The following SLC10A7 variants were observed in gnomAD, a reference collection of about 807,000 sequenced individuals.
SLC10A7 encodes the protein sodium/bile acid cotransporter 7.
SLC10A7 carries 29 observed loss-of-function variants against 43.2 expected under a neutral mutation model. The ratio of observed to expected loss-of-function variants is 0.67; its 90% CI spans 0.50 to 0.92. SLC10A7 has a LOEUF of 0.92. Ranked by LOEUF, SLC10A7 falls within the 40% of genes least tolerant of loss-of-function variation. SLC10A7 has a pLI of 0.00. For synonymous variants in SLC10A7, 152 were observed against 144.8 expected (o/e 1.05, Z -0.35); for missense variants, 295 against 403.2 (o/e 0.73, Z 2.30).
chr4:146,472,443 T>G (rs970763265), intron 4 of SLC10A7, among the ~76,000 whole-genome samples: 3 of 151,824 alleles, frequency 2.0e-5, no homozygotes, highest in African/African-American at 4.8e-5. Flanking sequence ...TCTGTTTTTT[T>G]TTTTTTTTTT....
chr4:146,342,453 A>T (rs1464224095), intron 5 of SLC10A7, among the ~76,000 whole-genome samples: 2 of 151,774 alleles, frequency 1.3e-5, no homozygotes, highest in Non-Finnish European at 3.0e-5. Context: ...GAAGAAATAA[A>T]TATCTGTTTT....
intron 5 of SLC10A7, among the ~76,000 whole-genome samples, chr4:146,364,315 C>T (rs1292879605): frequency 6.6e-6 from 1 of 152,008 alleles, no homozygotes; most frequent in Non-Finnish European, 1.5e-5. Context: ...CCTGAATAGA[C>T]CAAACACAAA....
intron 5 of SLC10A7, among the ~76,000 whole-genome samples, chr4:146,439,688 T>C (rs989297541): frequency 2.0e-5 from 3 of 152,114 alleles, no homozygotes; most frequent in Non-Finnish European, 4.4e-5. Context: ...CCCACAAGTC[T>C]ACAGTTTAGG....
chr4:146,325,911 TG>T, intron 6 of SLC10A7, 49 bp downstream of exon 6: 1 of 1,514,496 alleles, frequency 6.6e-7, no homozygotes, highest in Non-Finnish European at 9.1e-7. Flanking sequence ...CTTAAAGGGT[TG>T]TAGATAGCTT....
At chr4:146,263,128 C>T (rs1728337882) in intron 10 of SLC10A7, among the ~76,000 whole-genome samples, 1 of 152,236 alleles carries the variant, frequency 6.6e-6, no homozygotes, top group African/African-American at 2.4e-5. Flanking sequence ...ATCACCCATT[C>T]ATGACCCACC....
chr4:146,332,026 A>G (rs1733571852), intron 5 of SLC10A7, among the ~76,000 whole-genome samples: 1 of 152,196 alleles, frequency 6.6e-6, no homozygotes, highest in Non-Finnish European at 1.5e-5. Context: ...AGAAAGAAAG[A>G]AAGAGACATT....
At chr4:146,372,024 TTC>T (rs1284228519) in intron 5 of SLC10A7, among the ~76,000 whole-genome samples, 10 of 152,196 alleles carry the variant, frequency 6.6e-5, no homozygotes, top group African/African-American at 2.2e-4. Context: ...TATCTGGATG[TTC>T]TCTGTCTCTT....
chr4:146,507,587 A>G (rs565131086), intron 3 of SLC10A7, among the ~76,000 whole-genome samples: 1 of 152,098 alleles, frequency 6.6e-6, no homozygotes, highest in Admixed American at 6.5e-5. Context: ...ATAAAAATAA[A>G]TCAATCTGTC....
intron 5 of SLC10A7, among the ~76,000 whole-genome samples, chr4:146,338,985 C>T (rs1372222415): frequency 2.0e-5 from 3 of 151,530 alleles, no homozygotes; most frequent in Non-Finnish European, 4.4e-5. Context: ...AAGGCAGAGA[C>T]GTGGAATATG....
intron 1 of SLC10A7, among the ~76,000 whole-genome samples, chr4:146,520,688 C>T (rs1738545042): frequency 6.6e-6 from 1 of 152,148 alleles, no homozygotes; most frequent in Non-Finnish European, 1.5e-5. Context: ...TGCCTGTTCA[C>T]CTCTATCCTT....
chr4:146,461,862 C>A (rs113924257), intron 4 of SLC10A7, among the ~76,000 whole-genome samples: 2 of 141,172 alleles, frequency 1.4e-5, no homozygotes, highest in African/African-American at 2.6e-5. Flanking sequence ...TGAAAACTGA[C>A]GAAGACAATT....
intron 4 of SLC10A7, among the ~76,000 whole-genome samples, chr4:146,498,651 T>C (rs1314504942): frequency 6.6e-6 from 1 of 152,214 alleles, no homozygotes; most frequent in Non-Finnish European, 1.5e-5. Flanking sequence ...CAAAAGAAGA[T>C]TGTCAGTCAG....
intron 5 of SLC10A7, among the ~76,000 whole-genome samples, chr4:146,351,406 T>A (rs1477818347): frequency 6.6e-6 from 1 of 152,168 alleles, no homozygotes; most frequent in South Asian, 2.1e-4. Context: ...AATCTACGTC[T>A]GATTGGTGTA....
chr4:146,473,292 T>TA (rs1733741199), intron 4 of SLC10A7, among the ~76,000 whole-genome samples: 2 of 152,190 alleles, frequency 1.3e-5, no homozygotes, highest in South Asian at 2.1e-4. Context: ...CAGTTTTTTT[T>TA]AAAAAAGGCT....
chr4:146,294,202 A>G, intron 7 of SLC10A7, 107 bp from the exon 8 acceptor site: 1 of 856,778 alleles, frequency 1.2e-6, no homozygotes, highest in East Asian at 2.9e-5. Flanking sequence ...AAAGAGAATA[A>G]TTTGGCTGAT....
intron 4 of SLC10A7, among the ~76,000 whole-genome samples, chr4:146,497,695 A>G (rs2150018744): frequency 1.3e-5 from 2 of 152,364 alleles, no homozygotes; most frequent in Admixed American, 1.3e-4. Flanking sequence ...AAATACCAGT[A>G]CAAACCATAG....
chr4:146,352,919 CT>C (rs1735245996), intron 5 of SLC10A7, among the ~76,000 whole-genome samples: 1 of 140,772 alleles, frequency 7.1e-6, no homozygotes, highest in Non-Finnish European at 1.5e-5. Flanking sequence ...CACTAAATGC[CT>C]ACAAGAGAAA....
chr4:146,445,718 C>T (rs113788364), intron 4 of SLC10A7, among the ~76,000 whole-genome samples: 213 of 152,016 alleles, frequency 1.4e-3, no homozygotes, highest in African/African-American at 4.7e-3. Flanking sequence ...CTTTGTTGAG[C>T]GGTGGAAGTG....
chr4:146,441,195 G>A (rs1315781254), intron 5 of SLC10A7, among the ~76,000 whole-genome samples: 1 of 152,100 alleles, frequency 6.6e-6, no homozygotes, highest in Non-Finnish European at 1.5e-5. Context: ...AAGAAAAAGA[G>A]GAAGACTAAG....
Sources: allele counts gnomAD v4.1 joint callset (sites outside exome capture counted in the v4.1 genomes callset), GRCh38; gene constraint gnomAD v4.1.1; transcripts MANE v1.5; gene names NCBI Gene and HGNC (gene_info 2026-07-23, HGNC 2026-07-21).